The following RNGTT variants were observed in gnomAD, a reference collection of about 807,000 sequenced individuals.
RNGTT encodes the protein RNA guanylyltransferase and 5'-phosphatase, also known as mRNA-capping enzyme.
Under a neutral mutation model 79.3 loss-of-function variants are expected in RNGTT, and 33 were observed. The ratio of observed to expected loss-of-function variants is 0.42; its 90% confidence interval spans 0.32 to 0.56. The LOEUF is 0.56. Among genes scored for constraint, RNGTT ranks in the 20% least tolerant of loss-of-function variants. RNGTT has a pLI of 0.17. For synonymous variants in RNGTT, 222 were observed against 235.9 expected (o/e 0.94, Z 0.54); for missense variants, 497 against 739.1 (o/e 0.67, Z 3.80).
At chr6:88,710,364 C>T (rs1334680068) in intron 13 of RNGTT, among the ~76,000 whole-genome samples, 2 of 152,068 alleles carry the variant, frequency 1.3e-5, no homozygotes, top group African/African-American at 4.8e-5. Flanking sequence ...CCTTTATCTG[C>T]CTAAAATCCT....
At position 88,612,591 on chromosome 6, in the gene RNGTT, TA is replaced by T; in HGVS notation, c.*127del. ...GCTGGCTACGATAACTTTCTTTTTT[TA>T]AAAAAAATTCAAATGTGTATCAACA... is the stretch of plus-strand genomic sequence containing the variant. On this transcript the variant is annotated 3_prime_UTR_variant, in exon 16 of 16. Transcript: ENST00000369485. 21 of 1,059,586 alleles carry T rather than the reference TA, an allele frequency of 2.0e-5. No homozygotes were observed. The highest frequency in any genetic ancestry group is 2.5e-5 in the Non-Finnish European group (18 of 721,680). The allele number at this position is 1,059,586 out of a possible 1,614,324, so 65.6% of individuals were successfully genotyped here. A position where few individuals can be genotyped will look rare whatever the true frequency, so the allele number is the denominator to read the frequency against.
intron 14 of RNGTT, among the ~76,000 whole-genome samples, chr6:88,634,743 A>G (rs1297002013): frequency 6.6e-6 from 1 of 152,130 alleles, no homozygotes; most frequent in Non-Finnish European, 1.5e-5. Context: ...TATTTTTGCA[A>G]AAAATAACTG....
At chr6:88,804,216 C>T (rs1011290471) in intron 11 of RNGTT, among the ~76,000 whole-genome samples, 2 of 152,204 alleles carry the variant, frequency 1.3e-5, no homozygotes, top group African/African-American at 4.8e-5. Flanking sequence ...AGTAAAATCA[C>T]TCAGAACAGA....
chr6:88,795,538 G>T (rs1361512915), intron 12 of RNGTT, among the ~76,000 whole-genome samples: 1 of 152,106 alleles, frequency 6.6e-6, no homozygotes, highest in Admixed American at 6.6e-5. Flanking sequence ...GTTGTGGGGG[G>T]TTGGGGGCTA....
intron 12 of RNGTT, among the ~76,000 whole-genome samples, chr6:88,785,501 T>A (rs1353169484): frequency 6.6e-6 from 1 of 151,918 alleles, no homozygotes. Flanking sequence ...GAAAAAAAAA[T>A]AAAATAAGGT....
chr6:88,613,014 A>G, intron 15 of RNGTT, 132 bp from the exon 16 acceptor site: 1 of 773,436 alleles, frequency 1.3e-6, no homozygotes, highest in Non-Finnish European at 2.0e-6. Context: ...GATGTGCTTC[A>G]CATTGAACTA....
chr6:88,883,557 T>G lies in RNGTT; in HGVS notation c.896+6938A>C, dbSNP rs558788703. Among the ~76,000 whole-genome samples the G allele has an allele frequency of 5.3e-5, 8 of 152,276 alleles. No homozygotes were observed. The South Asian group carries it at 8.3e-4, about 16-fold the overall frequency. On this transcript the variant is annotated intron_variant, in intron 8 of 15. Coordinates refer to ENST00000369485, the MANE Select transcript of RNGTT (RefSeq NM_003800.5). The stretch of plus-strand genomic sequence containing the variant: ...AAGACAGCCTTCACTCAAAATGAAT[T>G]TATGCATTAATTCTTCACAGCAAAG...
chr6:88,888,935 G>A (rs1322715375), intron 8 of RNGTT, among the ~76,000 whole-genome samples: 4 of 152,328 alleles, frequency 2.6e-5, no homozygotes, highest in African/African-American at 9.6e-5. Flanking sequence ...GGCTGAGGCA[G>A]CAGAATCGCT....
intron 8 of RNGTT, among the ~76,000 whole-genome samples, chr6:88,880,804 T>C (rs1293945904): frequency 1.3e-5 from 2 of 152,206 alleles, no homozygotes; most frequent in African/African-American, 4.8e-5. Context: ...TATATAGTTC[T>C]AAGTCTTCAT....
intron 13 of RNGTT, among the ~76,000 whole-genome samples, chr6:88,714,046 T>C (rs1776414253): frequency 6.6e-6 from 1 of 152,196 alleles, no homozygotes; most frequent in Admixed American, 6.5e-5. Flanking sequence ...CTGAATGCTC[T>C]TGGATAAGTC....
chr6:88,673,749 G>A lies in RNGTT; in HGVS notation c.1506+4604C>T, dbSNP rs145474367. Among the ~76,000 whole-genome samples, 785 of 152,288 alleles carry A rather than the reference G, an allele frequency of 5.2e-3. 7 individuals carry two copies. The highest frequency in any genetic ancestry group is 0.017 in the African/African-American group (713 of 41,546). ...ATGTTAATAAATCAGGTAAGTGGTA[G>A]GGCAACTACCACTCTGATACACATA... On this transcript the variant is annotated intron_variant, in intron 14 of 15. Transcript: ENST00000369485.
intron 1 of RNGTT, among the ~76,000 whole-genome samples, chr6:88,961,468 ACT>A (rs1281166176): frequency 2.7e-5 from 4 of 150,240 alleles, no homozygotes; most frequent in Non-Finnish European, 4.4e-5. Context: ...ATGGAGTCTC[ACT>A]CTGTCACCCA....
In RNGTT at chr6:88,872,630, A is replaced by G. The variant is rs1039508277; in HGVS notation, c.896+17865T>C. 3.0e-4 allele frequency among the ~76,000 whole-genome samples: 46 copies of G among 152,214 alleles called. 3 individuals carry two copies. Among genetic ancestry groups the G allele is most frequent in the Non-Finnish European group, 5.9e-5 (4 of 68,036 alleles). On this transcript the variant is annotated intron_variant, in intron 8 of 15. Coordinates refer to ENST00000369485, the MANE Select transcript of RNGTT (RefSeq NM_003800.5). ...CACTGCTCCCAAGAAACGATGAGAC[A>G]GTAAATATTTGAATTTTAAACTGTT...
intron 13 of RNGTT, among the ~76,000 whole-genome samples, chr6:88,744,613 T>C (rs1340813700): frequency 6.6e-6 from 1 of 152,184 alleles, no homozygotes; most frequent in African/African-American, 2.4e-5. Context: ...AGAAAACTAA[T>C]CATTACATTA....
Position 88,963,332 on chromosome 6 carries a change from C to T in RNGTT, c.64+14G>A, listed in dbSNP as rs754259848. 6.2e-7 allele frequency: 1 copy of T among 1,612,144 alleles called. No homozygotes were observed. On this transcript the variant is annotated intron_variant, in intron 1 of 15. Coordinates refer to ENST00000369485, the MANE Select transcript of RNGTT (RefSeq NM_003800.5). ...TGGAGTGTGGGGATTCGAACGCCCC[C>T]CAGTCCAGGTTACCTGCCACCGGCT...
At chr6:88,938,666 G>C (rs183778233) in intron 2 of RNGTT, among the ~76,000 whole-genome samples, 1 of 152,010 alleles carries the variant, frequency 6.6e-6, no homozygotes, top group Non-Finnish European at 1.5e-5. Context: ...GGTAACATTT[G>C]AGTTTTTCCC....
At chr6:88,671,900 G>A (rs1774655535) in intron 14 of RNGTT, among the ~76,000 whole-genome samples, 1 of 152,074 alleles carries the variant, frequency 6.6e-6, no homozygotes, top group African/African-American at 2.4e-5. Flanking sequence ...GGGATAATTG[G>A]CAAGCCACAG....
chr6:88,791,500 G>A (rs542489126), intron 12 of RNGTT, among the ~76,000 whole-genome samples: 1 of 152,228 alleles, frequency 6.6e-6, no homozygotes, highest in Non-Finnish European at 1.5e-5. Flanking sequence ...AACTAATACA[G>A]TAACTAGCTA....
rs147293784 is a variant in RNGTT at position 88,719,824 on chromosome 6, G to T, written c.1440-41405C>A. Among the ~76,000 whole-genome samples, 3 of 152,232 alleles carry T rather than the reference G, an allele frequency of 2.0e-5. No individual in the cohort carries two copies. The East Asian group carries it at 5.8e-4, about 29-fold the overall frequency. ...CAAAGTACATATTATCATAAAAATA[G>T]GTAAGAAATTCAAAGATGACCTAAC... On this transcript the variant is annotated intron_variant, in intron 13 of 15. Coordinates refer to ENST00000369485, the MANE Select transcript of RNGTT (RefSeq NM_003800.5).
Sources: gnomAD v4.1 joint callset for allele counts (sites outside exome capture counted in the v4.1 genomes callset) on GRCh38, gnomAD v4.1.1 for gene constraint, MANE v1.5 for transcripts, NCBI Gene and HGNC (gene_info 2026-07-23, HGNC 2026-07-21) for gene names.